The following PDXDC1 variants were observed in gnomAD, a reference collection of about 807,000 sequenced individuals.
The protein encoded by PDXDC1 is pyridoxal-dependent decarboxylase domain-containing protein 1.
A neutral mutation model predicts 100.1 loss-of-function variants in PDXDC1; 42 were observed. That is an observed-to-expected ratio of 0.42 (90% CI 0.33 to 0.54). The LOEUF (loss-of-function observed/expected upper bound fraction) is 0.54. PDXDC1 is among the 20% of genes least tolerant of loss of function. PDXDC1 has a pLI of 0.10. For synonymous variants in PDXDC1, 260 were observed against 371.7 expected (o/e 0.70, Z 3.46); for missense variants, 636 against 979.2 (o/e 0.65, Z 4.68).
chr16:15,056,133 C>T, intron 16 of PDXDC1: 2 of 176,914 alleles, frequency 1.1e-5, no homozygotes, highest in Non-Finnish European at 2.3e-5. Context: ...GGAGGCGGTG[C>T]CGGCCGAAGA....
intron 22 of PDXDC1, among the ~76,000 whole-genome samples, 191 bp from the exon 23 acceptor site, chr16:15,035,825 C>G (rs1253516985): frequency 1.3e-5 from 2 of 152,078 alleles, no homozygotes; most frequent in Non-Finnish European, 2.9e-5. Flanking sequence ...TTAGAGTTCC[C>G]CGGCCTGGGG....
chr16:15,073,726 C>T (rs2045337087), intron 16 of PDXDC1, among the ~76,000 whole-genome samples: 2 of 152,124 alleles, frequency 1.3e-5, no homozygotes, highest in Non-Finnish European at 2.9e-5. Context: ...ATAACTGTTA[C>T]TTATCATGGT....
intron 16 of PDXDC1, among the ~76,000 whole-genome samples, chr16:15,056,514 G>A (rs142966687): frequency 1.9e-3 from 294 of 152,240 alleles, no homozygotes; most frequent in African/African-American, 6.9e-3. Flanking sequence ...GGTGGCTCAC[G>A]CCTGTAATCC....
intron 16 of PDXDC1, chr16:15,061,975 T>G: frequency 6.9e-7 from 1 of 1,442,690 alleles, no homozygotes; most frequent in South Asian, 1.2e-5. Flanking sequence ...AATTCCTTCC[T>G]CAGGAAGGTG....
chr16:15,147,072 G>A, the PDXDC1 span, among the ~76,000 whole-genome samples: 1 of 149,908 alleles, frequency 6.7e-6, no homozygotes, highest in East Asian at 2.0e-4. Context: ...CAGCAGGGAT[G>A]AGCCAGGGAG....
chr16:15,032,984 CT>C lies in PDXDC1; in HGVS notation c.1690+6del, dbSNP rs1280270396. 9.4e-6 allele frequency: 14 copies of C among 1,482,146 alleles called. No individual in the cohort carries two copies. Among genetic ancestry groups the C allele is most frequent in the Non-Finnish European group, 1.3e-5 (14 of 1,059,432 alleles). 91.8% of individuals were successfully genotyped at this position (1,482,146 alleles called of 1,614,324 possible). On this transcript the variant is annotated splice_donor_region_variant and intron_variant, in intron 18 of 22. Transcript: ENST00000396410. ...CTGACCTAACCTTTAAAATAGGTAA[CT>C]GCTTACTTTGTAAGTCAGCTGTGGG...
intron 16 of PDXDC1, among the ~76,000 whole-genome samples, chr16:15,058,654 G>C (rs1177494546): frequency 6.6e-6 from 1 of 152,038 alleles, no homozygotes; most frequent in African/African-American, 2.4e-5. Context: ...TTGAGCCCAG[G>C]AGGCGGAGGT....
chr16:15,035,368 G>A (rs965821205), intron 21 of PDXDC1, 81 bp from the exon 22 acceptor site: 2 of 686,280 alleles, frequency 2.9e-6, no homozygotes, highest in Non-Finnish European at 4.8e-6. Context: ...TTATTGGGGA[G>A]CAAGGCTGTG....
the PDXDC1 span, among the ~76,000 whole-genome samples, chr16:15,148,961 T>A: frequency 2.0e-5 from 3 of 152,210 alleles, no homozygotes; most frequent in Non-Finnish European, 4.4e-5. Flanking sequence ...CCGTGTCTAA[T>A]AAAGAAACTA....
Position 15,090,827 on chromosome 16 carries a change from A to G in PDXDC1, c.1400-48052A>G, listed in dbSNP as rs374110785. 9.9e-5 allele frequency among the ~76,000 whole-genome samples: 15 copies of G among 152,064 alleles called. No homozygotes were observed. The East Asian group carries it at 2.9e-3, about 29-fold the overall frequency. ...AAACAAAATGCATTCAGCTTTTACT[A>G]CATGATAGGTGTATCTCGAACCTGG... On this transcript the variant is annotated intron_variant, in intron 16 of 16. Coordinates refer to the PDXDC1 transcript ENST00000535621.
chr16:15,069,021 C>T (rs977212845), intron 16 of PDXDC1, among the ~76,000 whole-genome samples: 1 of 152,142 alleles, frequency 6.6e-6, no homozygotes, highest in African/African-American at 2.4e-5. Context: ...AAAAGCAGAG[C>T]TTGTATTTAC....
chr16:15,086,539 C>G, intron 16 of PDXDC1: 1 of 1,571,666 alleles, frequency 6.4e-7, no homozygotes. Context: ...AATCATTTAT[C>G]AAGAATAGGT....
At chr16:15,103,986 G>C (rs2046666658) in intron 16 of PDXDC1, among the ~76,000 whole-genome samples, 1 of 21,206 alleles carries the variant, frequency 4.7e-5, no homozygotes, top group Non-Finnish European at 1.0e-4. Flanking sequence ...GAGTCCAGGA[G>C]TGCATCTCTA....
the PDXDC1 span, among the ~76,000 whole-genome samples, chr16:15,150,283 G>C: frequency 6.6e-6 from 1 of 152,008 alleles, no homozygotes; most frequent in African/African-American, 2.4e-5. Context: ...GGAGCTTGCA[G>C]TGAGCCGAGA....
At chr16:15,110,106 T>C (rs995501701) in intron 16 of PDXDC1, among the ~76,000 whole-genome samples, 1 of 148,178 alleles carries the variant, frequency 6.7e-6, no homozygotes, top group East Asian at 2.0e-4. Flanking sequence ...GATTGTGCCA[T>C]TGCACTACAG....
At chr16:15,104,764 G>C (rs752675438) in intron 16 of PDXDC1, 2 of 1,595,608 alleles carry the variant, frequency 1.3e-6, no homozygotes, top group Admixed American at 1.7e-5. Flanking sequence ...CTGACCTGTA[G>C]GGCCAAAGGA....
chr16:15,119,858 T>TC (rs1320240275), intron 16 of PDXDC1, among the ~76,000 whole-genome samples: 1 of 150,626 alleles, frequency 6.6e-6, no homozygotes, highest in Admixed American at 6.7e-5. Context: ...GCCTCCTGAG[T>TC]AGCTGGGAGT....
chr16:15,062,252 C>G (rs985157372), intron 16 of PDXDC1, among the ~76,000 whole-genome samples: 1 of 152,182 alleles, frequency 6.6e-6, no homozygotes, highest in African/African-American at 2.4e-5. Flanking sequence ...TGTTTCAAGT[C>G]TGACTTGCAA....
chr16:15,048,577 A>G (rs1486009154), intron 16 of PDXDC1, among the ~76,000 whole-genome samples: 1 of 152,048 alleles, frequency 6.6e-6, no homozygotes, highest in Non-Finnish European at 1.5e-5. Flanking sequence ...TTGTAAAGAG[A>G]ATCAGATTAC....
Sources: allele counts gnomAD v4.1 joint callset (sites outside exome capture counted in the v4.1 genomes callset), GRCh38; gene constraint gnomAD v4.1.1; transcripts MANE v1.5; gene names NCBI Gene and HGNC (gene_info 2026-07-23, HGNC 2026-07-21).